ADAMTS17: variants seen among roughly 807,000 people sequenced by gnomAD.
ADAMTS17 encodes the protein A disintegrin and metalloproteinase with thrombospondin motifs 17.
A neutral mutation model predicts 141.5 loss-of-function variants in ADAMTS17; 113 were observed. The ratio of observed to expected loss-of-function variants is 0.80; its 90% confidence interval spans 0.69 to 0.93. The LOEUF is 0.93. ADAMTS17 is among the 40% of genes least tolerant of loss of function. The pLI, the probability that ADAMTS17 is intolerant of heterozygous loss-of-function variation, is 0.00. For synonymous variants in ADAMTS17, 768 were observed against 630.6 expected (o/e 1.22, Z -3.27); for missense variants, 1,659 against 1,517.9 (o/e 1.09, Z -1.54).
intron 18 of ADAMTS17, among the ~76,000 whole-genome samples, chr15:100,030,858 G>C (rs1310167088): frequency 6.6e-6 from 1 of 152,190 alleles, no homozygotes; most frequent in African/African-American, 2.4e-5. Context: ...TATTAAAAAT[G>C]TGTGTGTGCA....
rs1219715227 is a variant in ADAMTS17, at chr15:100,341,857, G to A, written c.43C>T (p.Leu15=). 1.0e-5 allele frequency: 16 copies of A among 1,553,212 alleles called. No homozygotes were observed. Among genetic ancestry groups the A allele is most frequent in the Non-Finnish European group, 1.4e-5 (16 of 1,148,372 alleles). The change falls in exon 1 of 22, where the codon CTG becomes TTG. Residue 15 remains leucine (L), a synonymous_variant. Transcript: ENST00000268070. The part of the protein sequence containing the change: ...ALLPPLVLPV[L]LLLVWGLDPG... ...TCCAGTCCCCAAACCAGCAGCAGCA[G>A]CACGGGCAGGACGAGCGGAGGCAGC...
At chr15:100,339,145 G>A in intron 2 of ADAMTS17, 1 of 985,478 alleles carries the variant, frequency 1.0e-6, no homozygotes, top group Non-Finnish European at 1.2e-6. Flanking sequence ...CAGCCTGTTG[G>A]CCAGGTTCCT....
At chr15:100,244,450 C>T (rs1466090336) in intron 7 of ADAMTS17, among the ~76,000 whole-genome samples, 1 of 151,434 alleles carries the variant, frequency 6.6e-6, no homozygotes, top group Non-Finnish European at 1.5e-5. Flanking sequence ...TCATCTAGCT[C>T]CAATAATTAT....
Position 100,331,069 on chromosome 15 carries a change from G to A in ADAMTS17, c.451-15C>T, listed in dbSNP as rs2046037934. On this transcript the variant is annotated splice_polypyrimidine_tract_variant and intron_variant, in intron 2 of 21. Coordinates refer to ENST00000268070, the MANE Select transcript of ADAMTS17 (RefSeq NM_139057.4). Reference sequence around the variant, plus strand: ...ATGAGGCCAACCTGTCCAGAAAGGAGAAGGAAACGCGATGTCGGTCATCCT... The same window carrying A: ...ATGAGGCCAACCTGTCCAGAAAGGAAAAGGAAACGCGATGTCGGTCATCCT... 4 of 1,614,034 alleles carry A rather than the reference G, an allele frequency of 2.5e-6. No individual in the cohort carries two copies. The highest frequency in any genetic ancestry group is 1.1e-5 in the South Asian group (1 of 91,086).
chr15:100,330,973 G>A lies in ADAMTS17; in HGVS notation c.532C>T (p.His178Tyr). Residue 178 changes from histidine to tyrosine, a missense_variant, in exon 3 of 22, where the codon CAT (histidine) becomes TAT (tyrosine). Coordinates refer to ENST00000268070, the MANE Select transcript of ADAMTS17 (RefSeq NM_139057.4). ...NSQGPFSGRE[H>Y]LIRRKWSLTP... Reference sequence around the variant, plus strand: ...AAGGACCATTTGCGCCTGATCAGATGTTCTCGTCCACTGAATGGGCCCTGG... The same window carrying A: ...AAGGACCATTTGCGCCTGATCAGATATTCTCGTCCACTGAATGGGCCCTGG... 6.2e-7 allele frequency: 1 copy of A among 1,614,186 alleles called. No homozygotes were observed. Among genetic ancestry groups the A allele is most frequent in the Non-Finnish European group, 8.5e-7 (1 of 1,180,042 alleles).
chr15:100,240,129 C>T (rs1396339514), intron 7 of ADAMTS17, among the ~76,000 whole-genome samples: 1 of 152,208 alleles, frequency 6.6e-6, no homozygotes, highest in Non-Finnish European at 1.5e-5. Context: ...AGCTGCTGCT[C>T]AGGAGGGGCC....
At chr15:100,311,489 G>A (rs1429374462) in intron 3 of ADAMTS17, among the ~76,000 whole-genome samples, 1 of 152,156 alleles carries the variant, frequency 6.6e-6, no homozygotes, top group Non-Finnish European at 1.5e-5. Flanking sequence ...TGATCCGTCT[G>A]CAGCTCGAGG....
intron 2 of ADAMTS17, among the ~76,000 whole-genome samples, chr15:100,332,426 C>A (rs981358500): frequency 6.6e-6 from 1 of 152,212 alleles, no homozygotes. Context: ...TGGGATGGAG[C>A]CCCGCGTGGG....
rs1357657659 is a variant in ADAMTS17, at chr15:100,155,820, TA to T, written c.1182-501del. On this transcript the variant is annotated intron_variant, in intron 8 of 21. Coordinates refer to ENST00000268070, the MANE Select transcript of ADAMTS17 (RefSeq NM_139057.4). ...GTATGGCTTTTCTATCTTTCACATCTAACAAGATCACACCTGTCACCTTCCC... is the reference window on the plus strand; with the variant it reads ...GTATGGCTTTTCTATCTTTCACATCTACAAGATCACACCTGTCACCTTCCC... Among the ~76,000 whole-genome samples, 5 of 152,216 alleles carry T rather than the reference TA, an allele frequency of 3.3e-5. No homozygotes were observed. In the East Asian group the frequency reaches 5.8e-4, roughly 18 times the overall value.
chr15:100,112,454 C>A (rs1256761041), intron 13 of ADAMTS17, among the ~76,000 whole-genome samples: 1 of 152,060 alleles, frequency 6.6e-6, no homozygotes, highest in African/African-American at 2.4e-5. Context: ...GGCATGATCT[C>A]CCAAAGGATA....
At chr15:100,004,446 T>C (rs148609984) in intron 18 of ADAMTS17, among the ~76,000 whole-genome samples, 3 of 152,310 alleles carry the variant, frequency 2.0e-5, no homozygotes, top group Non-Finnish European at 2.9e-5. Context: ...TCACGTTGAC[T>C]TTAAATCCAG....
At chr15:100,331,356 T>C (rs1027970258) in intron 2 of ADAMTS17, among the ~76,000 whole-genome samples, 3 of 151,780 alleles carry the variant, frequency 2.0e-5, no homozygotes, top group Non-Finnish European at 4.4e-5. Flanking sequence ...AATTTTAAAA[T>C]TATTTTTTAA....
rs568378535 is a variant in ADAMTS17 at position 100,100,467 on chromosome 15, C to T, written c.2017-3991G>A. Among the ~76,000 whole-genome samples the T allele has an allele frequency of 1.6e-4, 24 of 152,336 alleles. 1 individual carries two copies. The South Asian group carries it at 5.0e-3, about 32-fold the overall frequency. On this transcript the variant is annotated intron_variant, in intron 14 of 21. Coordinates refer to ENST00000268070, the MANE Select transcript of ADAMTS17 (RefSeq NM_139057.4). The stretch of plus-strand genomic sequence containing the variant: ...AGCAATCTCTCCACTTTCAATGCGA[C>T]AGCTTCTCCTCCAAAGCTGCCTGAC...
chr15:100,310,324 GCA>G (rs2045362553), intron 3 of ADAMTS17, among the ~76,000 whole-genome samples: 1 of 152,188 alleles, frequency 6.6e-6, no homozygotes, highest in Non-Finnish European at 1.5e-5. Flanking sequence ...TCCCCCAAAA[GCA>G]CAGTGAGAGA....
intron 7 of ADAMTS17, among the ~76,000 whole-genome samples, chr15:100,228,597 C>G (rs2042380907): frequency 6.6e-6 from 1 of 152,202 alleles, no homozygotes; most frequent in Non-Finnish European, 1.5e-5. Context: ...AGACCCAGCC[C>G]AAGTGGACAT....
At chr15:100,324,451 T>C (rs2045837163) in intron 3 of ADAMTS17, among the ~76,000 whole-genome samples, 1 of 152,350 alleles carries the variant, frequency 6.6e-6, no homozygotes, top group African/African-American at 2.4e-5. Context: ...AATTTACACC[T>C]GCTACATTCA....
At chr15:100,281,551 G>T in intron 3 of ADAMTS17, 150 bp from the exon 4 acceptor site, 1 of 1,075,014 alleles carries the variant, frequency 9.3e-7, no homozygotes, top group Non-Finnish European at 1.4e-6. Flanking sequence ...CCACCGTCAT[G>T]TGGGTGCCCC....
At chr15:100,073,920 A>C (rs2034178423) in intron 15 of ADAMTS17, among the ~76,000 whole-genome samples, 1 of 151,782 alleles carries the variant, frequency 6.6e-6, no homozygotes, top group African/African-American at 2.4e-5. Context: ...ATAATTAAAA[A>C]AAGGCAACTG....
rs1018590778 is a variant in ADAMTS17, at chr15:100,140,491, A to G, written c.1474-7176T>C. 5.9e-3 allele frequency among the ~76,000 whole-genome samples: 265 copies of G among 44,894 alleles called. 4 individuals carry two copies. The highest frequency in any genetic ancestry group is 0.01 in the Non-Finnish European group (197 of 19,560). The allele number at this position is 44,894 out of a possible 152,430, so 29.5% of individuals were successfully genotyped here. ...CACAGACACACACACATACATACAT[A>G]TATATATATATATATATCCAGTAAA... On this transcript the variant is annotated intron_variant, in intron 10 of 21. Transcript: ENST00000268070.
Sources: allele counts gnomAD v4.1 joint callset (sites outside exome capture counted in the v4.1 genomes callset), GRCh38; gene constraint gnomAD v4.1.1; transcripts MANE v1.5; gene names NCBI Gene and HGNC (gene_info 2026-07-23, HGNC 2026-07-21).